The following GEMIN5 variants were observed in gnomAD, a reference collection of about 807,000 sequenced individuals.
GEMIN5 encodes the protein gem nuclear organelle associated protein 5, also known as gem-associated protein 5.
In GEMIN5, 124 loss-of-function variants were observed where a neutral mutation model predicts 176.9. The observed-to-expected ratio is 0.70, with a 90% CI of 0.61 to 0.81. The LOEUF is 0.81. Ranked by LOEUF, GEMIN5 falls within the 40% of genes least tolerant of loss-of-function variation. GEMIN5 has a pLI of 0.00. For synonymous variants in GEMIN5, 673 were observed against 665.2 expected, an observed-to-expected ratio of 1.01 and a Z score of -0.18; for missense variants, 1,843 against 1,814.6, an observed-to-expected ratio of 1.02 and a Z score of -0.28.
chr5:154,931,296 A>G (rs1474899737), intron 5 of GEMIN5, among the ~76,000 whole-genome samples, 162 bp downstream of exon 5: 3 of 152,258 alleles, frequency 2.0e-5, no homozygotes, highest in African/African-American at 7.2e-5. Flanking sequence ...TTGAGAGAAT[A>G]GAGAGTCTAG....
At position 154,937,059 on chromosome 5, in the gene GEMIN5, G is replaced by C. The variant is rs374158150; in HGVS notation, c.293C>G (p.Thr98Arg). The part of the protein sequence containing the change: ...DGTVKIWDVE[T>R]KTVVTEHALH... ...TGCATGTTCTGTCACAACTGTTTTT[G>C]TCTCTACATCCCATATTTTCACAGT... The change falls in exon 2 of 28, where the codon ACA becomes AGA. Residue 98 changes from threonine (T) to arginine (R), a missense_variant. Transcript: ENST00000285873. 2.5e-6 allele frequency: 4 copies of C among 1,613,686 alleles called. No homozygotes were observed. Among genetic ancestry groups the C allele is most frequent in the Non-Finnish European group, 3.4e-6 (4 of 1,179,848 alleles).
intron 26 of GEMIN5, 74 bp from the exon 27 acceptor site, chr5:154,889,491 T>C: frequency 1.3e-6 from 1 of 757,562 alleles, no homozygotes; most frequent in South Asian, 1.5e-5. Flanking sequence ...GTTATTTTAC[T>C]GTGGTAAAAT....
chr5:154,913,379 A>G (rs190309579), intron 13 of GEMIN5, among the ~76,000 whole-genome samples: 14 of 152,322 alleles, frequency 9.2e-5, no homozygotes, highest in South Asian at 2.1e-4. Context: ...TACCACAAGA[A>G]GTGTTAGGTC....
chr5:154,929,261 T>C (rs985636374), intron 5 of GEMIN5, among the ~76,000 whole-genome samples: 1 of 151,928 alleles, frequency 6.6e-6, no homozygotes, highest in Admixed American at 6.6e-5. Flanking sequence ...GGAAAATGAG[T>C]TCCCAAGTAA....
Position 154,891,402 on chromosome 5 carries a change from G to A in GEMIN5, c.4101C>T (p.Leu1367=), listed in dbSNP as rs146075014. ...KELFSEKHAS[L]QNSQRTVAEV... ...CAGCAACAGTTCTCTGTGAGTTTTG[G>A]AGACTGGCATGCTTTTCTGAAAAGA... is the stretch of plus-strand genomic sequence containing the variant. Residue 1367 remains leucine, a synonymous_variant, in exon 26 of 28, where the codon CTC becomes CTT. Coordinates refer to ENST00000285873, the MANE Select transcript of GEMIN5 (RefSeq NM_015465.5). The A allele has an allele frequency of 2.5e-6, 4 of 1,614,134 alleles. No homozygotes were observed. The highest frequency in any genetic ancestry group is 2.5e-6 in the Non-Finnish European group (3 of 1,180,020).
At chr5:154,914,661 C>T (rs534470596) in intron 13 of GEMIN5, among the ~76,000 whole-genome samples, 1 of 152,042 alleles carries the variant, frequency 6.6e-6, no homozygotes, top group East Asian at 1.9e-4. Flanking sequence ...TATAGGTACC[C>T]ATCATGTCCA....
intron 3 of GEMIN5, 134 bp from the exon 4 acceptor site, chr5:154,932,384 A>G (rs1561730529): frequency 1.6e-6 from 1 of 633,368 alleles, no homozygotes; most frequent in East Asian, 2.7e-5. Flanking sequence ...AGGAGGGAAG[A>G]GGACAAAAAA....
chr5:154,932,104 G>A lies in GEMIN5; in HGVS notation c.656C>T (p.Thr219Ile). The A allele has an allele frequency of 6.2e-6, 10 of 1,612,274 alleles. No homozygotes were observed. Among genetic ancestry groups the A allele is most frequent in the Non-Finnish European group, 8.5e-6 (10 of 1,179,092 alleles). ...EDCLSINQEETSEEAEITNGN... is the reference protein window; with the variant it reads ...EDCLSINQEEISEEAEITNGN... Reference sequence around the variant, plus strand: ...TTCCCTTAAACCATCTCTACCTGAAGTTTCCTCTTGGTTTATAGATAAACA... The same window carrying A: ...TTCCCTTAAACCATCTCTACCTGAAATTTCCTCTTGGTTTATAGATAAACA... The change falls in exon 4 of 28, where the codon ACT (threonine) becomes ATT (isoleucine). Residue 219 changes from threonine (T) to isoleucine (I), a missense_variant. Transcript: ENST00000285873.
chr5:154,925,388 C>T (rs537969099), intron 8 of GEMIN5, among the ~76,000 whole-genome samples: 17 of 151,982 alleles, frequency 1.1e-4, no homozygotes, highest in Non-Finnish European at 8.8e-5. Flanking sequence ...AAATTTATTA[C>T]CTTTAGATTC....
chr5:154,918,787 T>A (rs539902104), intron 11 of GEMIN5, among the ~76,000 whole-genome samples: 1 of 151,718 alleles, frequency 6.6e-6, no homozygotes, highest in Admixed American at 6.6e-5. Context: ...CTCATGCCTA[T>A]AATCAGTACT....
chr5:154,931,482 T>G lies in GEMIN5; in HGVS notation c.757A>C (p.Ile253Leu). Residue 253 changes from isoleucine (I) to leucine (L), a missense_variant, in exon 5 of 28, where the codon ATC (isoleucine) becomes CTC (leucine). By Grantham distance (5) the Ile-to-Leu change is conservative (BLOSUM62 2). Coordinates refer to ENST00000285873, the MANE Select transcript of GEMIN5 (RefSeq NM_015465.5). ...CCTCGGCCTCTAGAACAGCTCCAGA[T>G]TCGAATGGTTTGATCTTTGCTTCCA... ...ATGSKDQTIR[I>L]WSCSRGRGVM... 2 of 1,612,726 alleles carry G rather than the reference T, an allele frequency of 1.2e-6. No individual in the cohort carries two copies. Among genetic ancestry groups the G allele is most frequent in the South Asian group, 1.1e-5 (1 of 91,006 alleles).
Position 154,887,627 on chromosome 5 carries a change from TA to T in GEMIN5, c.*582del, listed in dbSNP as rs1366299642. 6.6e-6 allele frequency: 1 copy of T among 152,224 alleles called. No homozygotes were observed. Among genetic ancestry groups the T allele is most frequent in the Non-Finnish European group, 1.5e-5 (1 of 68,076 alleles). 9.4% of individuals were successfully genotyped at this position (152,224 alleles called of 1,614,324 possible). A position where few individuals can be genotyped will look rare whatever the true frequency, so the allele number is the denominator to read the frequency against. On this transcript the variant is annotated 3_prime_UTR_variant, in exon 28 of 28. Transcript: ENST00000285873. ...TCAAATAAGCAATTACATGAAAGAA[TA>T]AAACCAAATTTCCAACCTAAAATTC...
intron 15 of GEMIN5, among the ~76,000 whole-genome samples, chr5:154,909,000 G>A (rs1182900258): frequency 3.3e-5 from 5 of 151,976 alleles, no homozygotes; most frequent in Non-Finnish European, 7.4e-5. Flanking sequence ...TGTTGTCTGG[G>A]CTGGAGTGCG....
intron 24 of GEMIN5, 154 bp from the exon 25 acceptor site, chr5:154,892,703 C>T (rs1561708171): frequency 3.0e-6 from 2 of 672,030 alleles, no homozygotes; most frequent in South Asian, 4.0e-5. Context: ...TTTTGCTTCC[C>T]ACATCGGAAA....
At chr5:154,930,006 T>C (rs545289004) in intron 5 of GEMIN5, among the ~76,000 whole-genome samples, 1 of 152,354 alleles carries the variant, frequency 6.6e-6, no homozygotes, top group South Asian at 2.1e-4. Flanking sequence ...TATGTCAGTA[T>C]GTTCAATTAT....
chr5:154,900,610 T>C (rs1194278720), intron 21 of GEMIN5, among the ~76,000 whole-genome samples: 3 of 151,996 alleles, frequency 2.0e-5, no homozygotes, highest in African/African-American at 4.8e-5. Context: ...AGTCTCTGAG[T>C]TGAGAAGAGG....
At chr5:154,895,048 C>CTGT (rs199925919) in intron 24 of GEMIN5, among the ~76,000 whole-genome samples, 14,965 of 151,754 alleles carry the variant, frequency 0.099, 840 homozygotes, top group Admixed American at 0.15. Flanking sequence ...CACTGTACTC[C>CTGT]AGCCTGAGCA....
chr5:154,895,336 G>GAGA lies in GEMIN5; in HGVS notation c.3597+755_3597+756insTCT, dbSNP rs1554100972. Reference sequence around the variant, plus strand: ...ACAGTGAGACCCAGTCTCCAGAAAGGAAAAAAAAAAAAAAAAAGAAGTAGG... The same window carrying GAGA: ...ACAGTGAGACCCAGTCTCCAGAAAGGAGAAAAAAAAAAAAAAAAAAGAAGTAGG... On this transcript the variant is annotated intron_variant, in intron 24 of 27. Transcript: ENST00000285873. Among the ~76,000 whole-genome samples the GAGA allele has an allele frequency of 4.6e-3, 349 of 75,690 alleles. 2 individuals carry two copies. Among genetic ancestry groups the GAGA allele is most frequent in the African/African-American group, 0.017 (307 of 18,134 alleles). The allele number at this position is 75,690 out of a possible 152,430, so 49.7% of individuals were successfully genotyped here. A position where few individuals can be genotyped will look rare whatever the true frequency, so the allele number is the denominator to read the frequency against.
chr5:154,901,558 G>A, intron 20 of GEMIN5, 72 bp from the exon 21 acceptor site: 1 of 1,464,440 alleles, frequency 6.8e-7, no homozygotes, highest in Non-Finnish European at 9.5e-7. Context: ...GTACATTTGG[G>A]TTGAAAAAGC....
Sources: gnomAD v4.1 joint callset for allele counts (sites outside exome capture counted in the v4.1 genomes callset) on GRCh38, gnomAD v4.1.1 for gene constraint, MANE v1.5 for transcripts, NCBI Gene and HGNC (gene_info 2026-07-23, HGNC 2026-07-21) for gene names.